SEC16B: variants seen among roughly 807,000 people sequenced by gnomAD.
The protein encoded by SEC16B is SEC16 homolog B, endoplasmic reticulum export factor.
In SEC16B, 115 loss-of-function variants were observed where a neutral mutation model predicts 141.8. That is an observed-to-expected ratio of 0.81 (90% confidence interval 0.70 to 0.95). The LOEUF is 0.95. SEC16B is among the 40% of genes least tolerant of loss of function. The pLI is 0.00. For synonymous variants in SEC16B, 493 were observed against 492.5 expected (o/e 1.00, Z -0.01); for missense variants, 1,291 against 1,312.3 (o/e 0.98, Z 0.25).
intron 2 of SEC16B, among the ~76,000 whole-genome samples, chr1:177,967,479 G>A (rs777042208): frequency 2.6e-5 from 4 of 152,000 alleles, no homozygotes; most frequent in Non-Finnish European, 5.9e-5. Flanking sequence ...AGCTCCACTA[G>A]GGGAAAAACA....
chr1:177,956,131 T>G (rs989354237), intron 10 of SEC16B, among the ~76,000 whole-genome samples: 1 of 152,222 alleles, frequency 6.6e-6, no homozygotes, highest in Admixed American at 6.5e-5. Context: ...GAAAAAATTT[T>G]TTTTTAATTT....
intron 1 of SEC16B, among the ~76,000 whole-genome samples, chr1:177,981,230 T>C (rs926683484): frequency 3.9e-5 from 6 of 152,102 alleles, no homozygotes; most frequent in Admixed American, 1.3e-4. Flanking sequence ...TTTTATGAAC[T>C]TCCCTGCCCC....
At chr1:177,949,867 A>G (rs1652034941) in intron 12 of SEC16B, among the ~76,000 whole-genome samples, 2 of 152,154 alleles carry the variant, frequency 1.3e-5, no homozygotes, top group South Asian at 4.1e-4. Flanking sequence ...CCCTAAGATC[A>G]AATACTGCAT....
chr1:177,955,072 A>G (rs1159539004), intron 10 of SEC16B, among the ~76,000 whole-genome samples: 1 of 152,170 alleles, frequency 6.6e-6, no homozygotes, highest in Non-Finnish European at 1.5e-5. Flanking sequence ...CCAACAAATC[A>G]ATAAGTGAGG....
chr1:177,939,366 A>C (rs749692116), intron 18 of SEC16B, among the ~76,000 whole-genome samples: 2 of 152,272 alleles, frequency 1.3e-5, no homozygotes, highest in African/African-American at 2.4e-5. Flanking sequence ...GATGAACCAC[A>C]ATCTCTGGAC....
chr1:177,962,693 C>T (rs1653168701), intron 5 of SEC16B, among the ~76,000 whole-genome samples: 1 of 151,994 alleles, frequency 6.6e-6, no homozygotes, highest in African/African-American at 2.4e-5. Flanking sequence ...CTGCAGTGAG[C>T]TATGATCATG....
intron 19 of SEC16B, among the ~76,000 whole-genome samples, chr1:177,936,947 G>A (rs1246219932): frequency 6.6e-6 from 1 of 152,144 alleles, no homozygotes; most frequent in Non-Finnish European, 1.5e-5. Flanking sequence ...TAATCATTTG[G>A]ATGGCAGGAG....
In SEC16B at chr1:177,954,373, C is replaced by A. The variant is rs534766082; in HGVS notation, c.1369G>T (p.Ala457Ser). The A allele has an allele frequency of 1.9e-6, 3 of 1,570,148 alleles. No homozygotes were observed. The South Asian group carries it at 3.5e-5, about 18-fold the overall frequency. The change falls in exon 11 of 26, where the codon GCC (alanine) becomes TCC (serine). Residue 457 changes from alanine to serine, a missense_variant. Physicochemically the swap from Ala to Ser is moderately conservative, Grantham distance 99 (BLOSUM62 1). Around this residue, in one of 3 missense-constraint regions of SEC16B, gnomAD observed 681 missense variants for 675.5 expected, o/e 1.01. Coordinates refer to ENST00000308284, the MANE Select transcript of SEC16B (RefSeq NM_033127.4). ...RLLYYGRKKE[A>S]LEWAMKNHLW... ...TGGTTCTTCATGGCCCACTCCAAGG[C>A]TTCCTGAAAACCAAAACATCACATT... is the stretch of plus-strand genomic sequence containing the variant.
At chr1:177,942,175 C>A in intron 15 of SEC16B, 135 bp from the exon 16 acceptor site, 1 of 931,392 alleles carries the variant, frequency 1.1e-6, no homozygotes, top group East Asian at 2.7e-5. Context: ...AGGCTTGTGC[C>A]ATTTGGAGCA....
intron 19 of SEC16B, among the ~76,000 whole-genome samples, chr1:177,936,661 C>A (rs1316025368): frequency 6.6e-6 from 1 of 152,210 alleles, no homozygotes; most frequent in Non-Finnish European, 1.5e-5. Flanking sequence ...TCCTCTCCAT[C>A]TGAGCCTCCA....
At chr1:177,940,572 G>A (rs781639475) in intron 17 of SEC16B, 38 bp downstream of exon 17, 1 of 1,456,694 alleles carries the variant, frequency 6.9e-7, no homozygotes, top group Non-Finnish European at 9.6e-7. Context: ...GGAAACAAAG[G>A]CCAGTCCCCC....
rs74128502 is a variant in SEC16B at position 177,960,780 on chromosome 1, G to C, written c.936+11C>G. ...TGTGCCAGCATTCCAGGGACACTGG[G>C]TCTTCTTTACCTCCATGCTGTGCAG... On this transcript the variant is annotated intron_variant, in intron 7 of 25. Coordinates refer to ENST00000308284, the MANE Select transcript of SEC16B (RefSeq NM_033127.4). The C allele has an allele frequency of 3.2e-3, 5,126 of 1,596,058 alleles. 173 individuals carry two copies. The African/African-American group carries it at 0.059, about 18-fold the overall frequency.
intron 1 of SEC16B, among the ~76,000 whole-genome samples, chr1:177,969,463 G>A (rs78260630): frequency 5.3e-4 from 81 of 152,270 alleles, no homozygotes; most frequent in African/African-American, 1.8e-3. Context: ...AAGGCCAAAT[G>A]TCCCAGACAC....
intron 1 of SEC16B, among the ~76,000 whole-genome samples, chr1:177,982,515 G>A (rs767659471): frequency 1.1e-4 from 17 of 152,170 alleles, no homozygotes; most frequent in Non-Finnish European, 1.8e-4. Flanking sequence ...CAGGGCTGAT[G>A]GACAATAAGT....
At chr1:177,952,050 T>C (rs1461988629) in intron 11 of SEC16B, 55 bp from the exon 12 acceptor site, 4 of 1,457,824 alleles carry the variant, frequency 2.7e-6, no homozygotes, top group South Asian at 2.4e-5. Context: ...TCTTTACCCA[T>C]TGCCCACAAG....
In SEC16B at chr1:177,929,617, T is replaced by G; in HGVS notation, c.*241A>C. ...ACTCTGCTCATGTGCAGTCTGCTATTAGACCCAGACTTTCCACCTGATGAA... is the reference window on the plus strand; with the variant it reads ...ACTCTGCTCATGTGCAGTCTGCTATGAGACCCAGACTTTCCACCTGATGAA... On this transcript the variant is annotated 3_prime_UTR_variant, in exon 26 of 26. Coordinates refer to ENST00000308284, the MANE Select transcript of SEC16B (RefSeq NM_033127.4). The G allele has an allele frequency of 1.9e-6, 1 of 526,078 alleles. No individual in the cohort carries two copies. Among genetic ancestry groups the G allele is most frequent in the Non-Finnish European group, 3.4e-6 (1 of 290,232 alleles). The allele number at this position is 526,078 out of a possible 1,614,324, so 32.6% of individuals were successfully genotyped here. A position where few individuals can be genotyped will look rare whatever the true frequency, so the allele number is the denominator to read the frequency against.
chr1:177,942,739 A>C (rs1037928543), intron 15 of SEC16B, among the ~76,000 whole-genome samples: 8 of 151,968 alleles, frequency 5.3e-5, no homozygotes, highest in Middle Eastern at 3.2e-3. Flanking sequence ...TGAGAAAAAC[A>C]AGTAAGCGCT....
In SEC16B at chr1:177,933,257, G is replaced by A. The variant is rs1262946639; in HGVS notation, c.2780C>T (p.Ser927Phe). Residue 927 changes from serine to phenylalanine, a missense_variant, in exon 22 of 26, where the codon TCC (serine) becomes TTC (phenylalanine). Coordinates refer to ENST00000308284, the MANE Select transcript of SEC16B (RefSeq NM_033127.4). ...TGAGGAGTCCTCGTCTCCAGCGGGG[G>A]ATGCGTTCTTGGTGGGCTTCGATCG... ...WFRSKPTKNA[S>F]PAGDEDSSDS... 2.5e-6 allele frequency: 4 copies of A among 1,599,308 alleles called. No homozygotes were observed. The highest frequency in any genetic ancestry group is 2.6e-6 in the Non-Finnish European group (3 of 1,172,978).
chr1:177,947,962 A>C lies in SEC16B; in HGVS notation c.1546-20T>G, dbSNP rs1475875415. On this transcript the variant is annotated intron_variant, in intron 12 of 25. Transcript: ENST00000308284. ...ACAACACTGAAAAGCACCAGAAAAA[A>C]TAAATGTACAATCATTTAAGAATGG... 2.0e-6 allele frequency: 3 copies of C among 1,490,024 alleles called. No individual in the cohort carries two copies. In the Admixed American group the frequency reaches 5.9e-5, roughly 29 times the overall value. The allele number at this position is 1,490,024 out of a possible 1,614,324, so 92.3% of individuals were successfully genotyped here. A position where few individuals can be genotyped will look rare whatever the true frequency, so the allele number is the denominator to read the frequency against.
Sources: gnomAD v4.1 joint callset for allele counts (sites outside exome capture counted in the v4.1 genomes callset) on GRCh38, gnomAD v4.1.1 for gene constraint, gnomAD v4.1.1 regional missense constraint, MANE v1.5 for transcripts, NCBI Gene and HGNC (gene_info 2026-07-23, HGNC 2026-07-21) for gene names.